Variants in TAOK3 observed in about 807,000 individuals in gnomAD.
TAOK3 encodes the protein serine/threonine-protein kinase TAO3.
Under a neutral mutation model 120.4 loss-of-function variants are expected in TAOK3, and 40 were observed. The observed-to-expected ratio is 0.33, with a 90% CI of 0.26 to 0.43. The LOEUF (loss-of-function observed/expected upper bound fraction) is 0.43, where lower values mean the gene tolerates loss of function less well. TAOK3 is among the 20% of genes least tolerant of loss of function. TAOK3 has a pLI of 1.00. For missense variants in TAOK3, 821 were observed against 1,112.1 expected (o/e 0.74, Z 3.72); for synonymous variants, 355 against 387.5 (o/e 0.92, Z 0.99).
intron 19 of TAOK3, among the ~76,000 whole-genome samples, chr12:118,154,229 A>G (rs1425183828): frequency 2.6e-5 from 4 of 152,196 alleles, no homozygotes; most frequent in South Asian, 2.1e-4. Context: ...GGTTCATTCT[A>G]TGGTCAATTT....
chr12:118,293,929 C>G lies in TAOK3; in HGVS notation c.-193-27170G>C, dbSNP rs189801655. Among the ~76,000 whole-genome samples the G allele has an allele frequency of 9.9e-5, 15 of 151,868 alleles. No individual in the cohort carries two copies. The South Asian group carries it at 2.1e-3, about 21-fold the overall frequency. ...ACTCAGGAGGCTGAGGTAGGAGAAT[C>G]GCTTGAACCCGGGAGGCAGAGGTTG... On this transcript the variant is annotated intron_variant, in intron 1 of 20. Transcript: ENST00000392533.
In TAOK3 at chr12:118,172,610, G is replaced by T; in HGVS notation, c.1746C>A (p.Ile582=). 1 of 1,614,156 alleles carries T rather than the reference G, an allele frequency of 6.2e-7. No homozygotes were observed. The highest frequency in any genetic ancestry group is 8.5e-7 in the Non-Finnish European group (1 of 1,180,032). ...GCTGCAAGTTCTCTTTATGTTTGGAGATCCGCTCTTGCTTCTCTTTCTTGG... is the reference window on the plus strand; with the variant it reads ...GCTGCAAGTTCTCTTTATGTTTGGATATCCGCTCTTGCTTCTCTTTCTTGG... ...STPKKEKQER[I]SKHKENLQHT... is the part of the protein sequence containing the mutation. Residue 582 remains isoleucine, a synonymous_variant, in exon 17 of 21, where the codon ATC becomes ATA. Coordinates refer to ENST00000392533, the MANE Select transcript of TAOK3 (RefSeq NM_016281.4).
intron 11 of TAOK3, among the ~76,000 whole-genome samples, chr12:118,207,856 T>TCACACACACA (rs1368625660): frequency 2.0e-5 from 1 of 49,606 alleles, no homozygotes; most frequent in Non-Finnish European, 5.0e-5. Flanking sequence ...CGAGACTCTG[T>TCACACACACA]CTCACACACA....
intron 7 of TAOK3, 67 bp from the exon 8 acceptor site, chr12:118,235,738 T>C (rs2039994912): frequency 1.0e-6 from 1 of 980,760 alleles, no homozygotes; most frequent in Non-Finnish European, 1.5e-6. Flanking sequence ...GGTCAGAGCA[T>C]GCAATTAATA....
intron 5 of TAOK3, among the ~76,000 whole-genome samples, chr12:118,241,981 G>A (rs552168083): frequency 1.7e-4 from 26 of 152,000 alleles, no homozygotes; most frequent in Admixed American, 3.3e-4. Flanking sequence ...GTGGTACTCC[G>A]GTGGCTGAGA....
chr12:118,211,751 G>C (rs1350504371), intron 11 of TAOK3, among the ~76,000 whole-genome samples: 1 of 151,876 alleles, frequency 6.6e-6, no homozygotes, highest in Non-Finnish European at 1.5e-5. Flanking sequence ...GAGATGCTGG[G>C]ATTATAGGCG....
intron 1 of TAOK3, among the ~76,000 whole-genome samples, chr12:118,343,368 A>G (rs2044710037): frequency 6.6e-6 from 1 of 150,934 alleles, no homozygotes; most frequent in South Asian, 2.1e-4. Flanking sequence ...CGGAGGTTAC[A>G]GTGAGCTCAG....
intron 1 of TAOK3, among the ~76,000 whole-genome samples, chr12:118,313,353 T>G (rs1397309206): frequency 6.6e-6 from 1 of 152,164 alleles, no homozygotes; most frequent in Non-Finnish European, 1.5e-5. Flanking sequence ...CTTGGCTCAC[T>G]GCAACCTCCG....
At chr12:118,335,943 T>C (rs2044350870) in intron 1 of TAOK3, among the ~76,000 whole-genome samples, 1 of 152,174 alleles carries the variant, frequency 6.6e-6, no homozygotes, top group Non-Finnish European at 1.5e-5. Context: ...AAATGTTGAT[T>C]AAAGAAATCT....
At chr12:118,258,085 T>G (rs2041065617) in intron 2 of TAOK3, among the ~76,000 whole-genome samples, 2 of 152,290 alleles carry the variant, frequency 1.3e-5, no homozygotes, top group South Asian at 4.1e-4. Flanking sequence ...AAAGCATGCC[T>G]TTTTAGGGAA....
chr12:118,245,701 C>A (rs139699345), intron 3 of TAOK3, among the ~76,000 whole-genome samples: 122 of 152,260 alleles, frequency 8.0e-4, no homozygotes, highest in African/African-American at 2.8e-3. Context: ...AAATAGACAT[C>A]TCCACTCCCA....
chr12:118,291,098 T>C (rs1010684458), intron 1 of TAOK3, among the ~76,000 whole-genome samples: 25 of 151,048 alleles, frequency 1.7e-4, no homozygotes, highest in African/African-American at 6.1e-4. Flanking sequence ...TCAGGTGATC[T>C]GTCTGCCTCG....
In TAOK3 at chr12:118,152,305, T is replaced by C. The variant is rs2034504515; in HGVS notation, c.2457A>G (p.Gln819=). 1.9e-6 allele frequency: 3 copies of C among 1,614,102 alleles called. No homozygotes were observed. The highest frequency in any genetic ancestry group is 1.7e-5 in the Admixed American group (1 of 60,002). ...GCTCACGTTCATGTTGTGCCTCTGTTTGCATCTTGATTTTGCTCTGGTAGG... is the reference window on the plus strand; with the variant it reads ...GCTCACGTTCATGTTGTGCCTCTGTCTGCATCTTGATTTTGCTCTGGTAGG... The part of the protein sequence containing the change: ...LNAYQSKIKM[Q]TEAQHERELQ... The change falls in exon 20 of 21, where the codon CAA becomes CAG. Residue 819 remains glutamine, a synonymous_variant. Coordinates refer to ENST00000392533, the MANE Select transcript of TAOK3 (RefSeq NM_016281.4).
At chr12:118,153,852 CTTCTT>C (rs904812869) in intron 19 of TAOK3, among the ~76,000 whole-genome samples, 3 of 152,226 alleles carry the variant, frequency 2.0e-5, no homozygotes, top group Admixed American at 6.5e-5. Context: ...TTGCATGTAT[CTTCTT>C]TTAGTACTTC....
Position 118,243,442 on chromosome 12 carries a change from G to T in TAOK3, c.267C>A (p.Gly89=), listed in dbSNP as rs1033613508. The change falls in exon 5 of 21, where the codon GGC becomes GGA. Residue 89 remains glycine (G), a synonymous_variant. Coordinates refer to ENST00000392533, the MANE Select transcript of TAOK3 (RefSeq NM_016281.4). ...AAGCAGTGTGTTCTTTCAAGTAACA[G>T]CCTTTGTACTCAATAGTATTAGGAT... is the stretch of plus-strand genomic sequence containing the variant. ...LKHPNTIEYK[G]CYLKEHTAWL... is the part of the protein sequence containing the mutation. 2.5e-6 allele frequency: 4 copies of T among 1,573,278 alleles called. No homozygotes were observed. The African/African-American group carries it at 5.5e-5, about 22-fold the overall frequency.
At chr12:118,296,484 T>C (rs2042685787) in intron 1 of TAOK3, among the ~76,000 whole-genome samples, 1 of 152,208 alleles carries the variant, frequency 6.6e-6, no homozygotes, top group African/African-American at 2.4e-5. Context: ...TTCTGAATTA[T>C]TCTTATAACT....
rs61945174 is a variant in TAOK3, at chr12:118,199,182, C to A, written c.1063G>T (p.Val355Leu). 1 of 1,614,122 alleles carries A rather than the reference C, an allele frequency of 6.2e-7. No individual in the cohort carries two copies. Among genetic ancestry groups the A allele is most frequent in the Non-Finnish European group, 8.5e-7 (1 of 1,180,000 alleles). Residue 355 changes from valine to leucine, a missense_variant, in exon 13 of 21, where the codon GTG becomes TTG. By Grantham distance (32) the Val-to-Leu change is conservative. This residue lies in a region of TAOK3 where 467 missense variants were observed against 540.0 expected (regional missense o/e 0.86). Coordinates refer to ENST00000392533, the MANE Select transcript of TAOK3 (RefSeq NM_016281.4). ...CTGCTGCTCTGGCTGCCTGTGCTCA[C>A]GGACATGCTTGGAATGGAATGGTTG... ...GSNHSIPSMS[V>L]STGSQSSSVN...
chr12:118,218,705 T>C (rs958001676), intron 9 of TAOK3, among the ~76,000 whole-genome samples: 1 of 152,158 alleles, frequency 6.6e-6, no homozygotes, highest in Non-Finnish European at 1.5e-5. Context: ...ATTGAATTCA[T>C]GGATGTGGAA....
chr12:118,180,595 A>G (rs1289334725), intron 15 of TAOK3, among the ~76,000 whole-genome samples: 3 of 152,180 alleles, frequency 2.0e-5, no homozygotes, highest in African/African-American at 7.2e-5. Flanking sequence ...GATGTTCCCT[A>G]GAAAATCCAA....
Sources: gnomAD v4.1 joint callset for allele counts (sites outside exome capture counted in the v4.1 genomes callset) on GRCh38, gnomAD v4.1.1 for gene constraint, gnomAD v4.1.1 regional missense constraint, MANE v1.5 for transcripts, NCBI Gene and HGNC (gene_info 2026-07-23, HGNC 2026-07-21) for gene names.